Variants in ASB3 observed in about 807,000 individuals in gnomAD.
ASB3 encodes ankyrin repeat and SOCS box containing 3.
ASB3 carries 41 observed loss-of-function variants against 54.5 expected under a neutral mutation model. The observed-to-expected ratio is 0.75, with a 90% CI of 0.59 to 0.98. The LOEUF (loss-of-function observed/expected upper bound fraction) is 0.98, where lower values mean the gene tolerates loss of function less well. ASB3 is among the 50% of genes least tolerant of loss of function. ASB3 has a pLI of 0.00. For synonymous variants in ASB3, 266 were observed against 221.2 expected (o/e 1.20, Z -1.80); for missense variants, 733 against 620.0 (o/e 1.18, Z -1.94).
At chr2:53,690,237 C>A (rs965635665) in intron 9 of ASB3, among the ~76,000 whole-genome samples, 1 of 151,410 alleles carries the variant, frequency 6.6e-6, no homozygotes, top group Non-Finnish European at 1.5e-5. Flanking sequence ...CCCTGTCCCC[C>A]CAAATAAATA....
intron 3 of ASB3, among the ~76,000 whole-genome samples, chr2:53,745,304 A>T (rs982165861): frequency 6.6e-6 from 1 of 152,178 alleles, no homozygotes; most frequent in African/African-American, 2.4e-5. Flanking sequence ...TAAAAAATAA[A>T]CTCTAACCTG....
At chr2:53,676,755 T>C (rs1181019636) in intron 9 of ASB3, among the ~76,000 whole-genome samples, 1 of 152,108 alleles carries the variant, frequency 6.6e-6, no homozygotes, top group Non-Finnish European at 1.5e-5. Context: ...TTTCATCTTT[T>C]GTGCTGTTTT....
chr2:53,739,541 T>C (rs912203091), intron 3 of ASB3, among the ~76,000 whole-genome samples: 1 of 152,234 alleles, frequency 6.6e-6, no homozygotes, highest in Non-Finnish European at 1.5e-5. Context: ...AAATGCTTAA[T>C]GTGACTATGA....
intron 3 of ASB3, among the ~76,000 whole-genome samples, chr2:53,737,245 C>G (rs1449314173): frequency 1.3e-5 from 2 of 152,140 alleles, no homozygotes; most frequent in Admixed American, 1.3e-4. Context: ...AGCTCTGTAC[C>G]TGGGGACATT....
chr2:53,760,381 AC>A (rs546718755), intron 2 of ASB3, among the ~76,000 whole-genome samples: 28 of 152,258 alleles, frequency 1.8e-4, no homozygotes, highest in African/African-American at 6.0e-4. Flanking sequence ...TGCCAGGGTC[AC>A]CAGAAAGAAA....
chr2:53,734,025 T>C (rs577196578), intron 3 of ASB3, among the ~76,000 whole-genome samples: 56 of 152,334 alleles, frequency 3.7e-4, no homozygotes, highest in African/African-American at 1.3e-3. Flanking sequence ...GTCACGCTAT[T>C]GTTTGTGGTT....
rs1219248817 is a variant in ASB3, at chr2:53,747,581, ATGT to A, written c.355+3199_355+3201del. The stretch of plus-strand genomic sequence containing the variant: ...CGTTTCAAAGCTCTGCGATAAACAA[ATGT>A]TGTTTAAGAGAGGTCTTCTCAGAAT... On this transcript the variant is annotated intron_variant, in intron 3 of 9. Transcript: ENST00000263634. 5.9e-5 allele frequency among the ~76,000 whole-genome samples: 9 copies of A among 152,336 alleles called. No individual in the cohort carries two copies. In the South Asian group the frequency reaches 1.0e-3, roughly 18 times the overall value.
intron 5 of ASB3, among the ~76,000 whole-genome samples, chr2:53,719,980 A>T (rs1406692005): frequency 1.3e-5 from 2 of 152,148 alleles, no homozygotes; most frequent in Non-Finnish European, 2.9e-5. Context: ...TCTATTCCTA[A>T]AAAATAGCTA....
intron 8 of ASB3, among the ~76,000 whole-genome samples, chr2:53,698,502 G>A (rs145864234): frequency 2.3e-3 from 353 of 152,128 alleles, no homozygotes; most frequent in African/African-American, 7.9e-3. Context: ...TCTATAAGTG[G>A]CCACAAGTAG....
chr2:53,686,620 G>A (rs1397314993), intron 9 of ASB3, among the ~76,000 whole-genome samples: 4 of 151,712 alleles, frequency 2.6e-5, no homozygotes, highest in African/African-American at 4.8e-5. Context: ...AGAGTGGGAC[G>A]GGCTTTCAAA....
At chr2:53,736,668 C>T (rs1671651256) in intron 3 of ASB3, among the ~76,000 whole-genome samples, 1 of 150,004 alleles carries the variant, frequency 6.7e-6, no homozygotes, top group African/African-American at 2.5e-5. Flanking sequence ...CACTACACTC[C>T]AGCCTGGGCG....
chr2:53,728,628 T>C, intron 5 of ASB3, 84 bp downstream of exon 5: 3 of 1,373,908 alleles, frequency 2.2e-6, no homozygotes, highest in Admixed American at 2.6e-5. Flanking sequence ...ACCTGATTTA[T>C]ATTTGAGACA....
intron 1 of ASB3, chr2:53,772,004 T>G (rs1334749925): frequency 4.2e-6 from 4 of 950,940 alleles, no homozygotes; most frequent in Non-Finnish European, 4.8e-6. Flanking sequence ...GATGTTTCTG[T>G]TTCAATTTGA....
chr2:53,684,726 G>A (rs1310728615), intron 9 of ASB3, among the ~76,000 whole-genome samples: 1 of 152,160 alleles, frequency 6.6e-6, no homozygotes, highest in Non-Finnish European at 1.5e-5. Flanking sequence ...ATGCTCTTCT[G>A]TTTTTAAAGG....
chr2:53,758,446 C>G (rs1672958895), intron 2 of ASB3, among the ~76,000 whole-genome samples: 1 of 152,222 alleles, frequency 6.6e-6, no homozygotes, highest in Non-Finnish European at 1.5e-5. Flanking sequence ...TACCTACACC[C>G]TCTCTGAAAA....
chr2:53,672,909 C>G (rs917144334), intron 9 of ASB3, among the ~76,000 whole-genome samples: 1 of 152,176 alleles, frequency 6.6e-6, no homozygotes, highest in Non-Finnish European at 1.5e-5. Context: ...TTTGCCTTAA[C>G]AGCAACAATG....
At chr2:53,715,501 A>G (rs1572895240) in intron 6 of ASB3, among the ~76,000 whole-genome samples, 1 of 152,210 alleles carries the variant, frequency 6.6e-6, no homozygotes, top group Non-Finnish European at 1.5e-5. Context: ...TGACAATGAG[A>G]ATTCTCAAAA....
chr2:53,708,028 C>A (rs1289552986), intron 7 of ASB3, among the ~76,000 whole-genome samples: 1 of 151,866 alleles, frequency 6.6e-6, no homozygotes, highest in Non-Finnish European at 1.5e-5. Flanking sequence ...GAATATCAGT[C>A]CCCACCCTAG....
intron 2 of ASB3, among the ~76,000 whole-genome samples, chr2:53,753,810 AT>A (rs200263926): frequency 1.5e-4 from 22 of 147,902 alleles, no homozygotes; most frequent in Admixed American, 5.4e-4. Context: ...AATTTTTTGT[AT>A]TTTTTTTTTA....
Sources: allele counts gnomAD v4.1 joint callset (sites outside exome capture counted in the v4.1 genomes callset), GRCh38; gene constraint gnomAD v4.1.1; transcripts MANE v1.5; gene names NCBI Gene and HGNC (gene_info 2026-07-23, HGNC 2026-07-21).